Variants in UBAP2 observed in about 807,000 individuals in gnomAD.
UBAP2 encodes the protein ubiquitin-associated protein 2.
A neutral mutation model predicts 139.6 loss-of-function variants in UBAP2; 75 were observed. The observed-to-expected ratio is 0.54, with a 90% CI of 0.45 to 0.65. The LOEUF (loss-of-function observed/expected upper bound fraction) is 0.65, where lower values mean the gene tolerates loss of function less well. Ranked by LOEUF, UBAP2 falls within the 30% of genes least tolerant of loss-of-function variation. The probability of loss-of-function intolerance (pLI) is 0.00; values close to 1 mark genes in which losing one functional copy is unlikely to be tolerated. For synonymous variants in UBAP2, 526 were observed against 526.2 expected (o/e 1.00, Z 0.01); for missense variants, 1,368 against 1,369.6 (o/e 1.00, Z 0.02).
At chr9:33,935,227 AAC>A (rs1396242210) in intron 17 of UBAP2, 1 of 149,500 alleles carries the variant, frequency 6.7e-6, no homozygotes, top group Non-Finnish European at 1.5e-5. Context: ...CTTTCTAAGC[AAC>A]AGTCCTTCAG....
In UBAP2 at chr9:33,935,860, G is replaced by T; in HGVS notation, c.1948C>A (p.Arg650=). The change falls in exon 17 of 29, where the codon CGA becomes AGA. Residue 650 remains arginine (R), a synonymous_variant. Coordinates refer to ENST00000379238, the MANE Select transcript of UBAP2 (RefSeq NM_001370062.2). The part of the protein sequence containing the change: ...GTIMNGHGGG[R]SQQTLDTPKT... ...TTACTGTCTAGTGTCTGCTGACTTC[G>T]ACCACCACCATGTCCATTCTATAAG... The T allele has an allele frequency of 6.2e-7, 1 of 1,613,464 alleles. No individual in the cohort carries two copies. Among genetic ancestry groups the T allele is most frequent in the South Asian group, 1.1e-5 (1 of 90,854 alleles).
In UBAP2 at chr9:33,954,264, GTATA is replaced by G. The variant is rs78226943; in HGVS notation, c.867-794_867-791del. On this transcript the variant is annotated intron_variant, in intron 11 of 28. Coordinates refer to ENST00000379238, the MANE Select transcript of UBAP2 (RefSeq NM_001370062.2). ...TATCCCATAATACATTTAAGTGTGT[GTATA>G]TACACACACACACACACACACACAC... Among the ~76,000 whole-genome samples the G allele has an allele frequency of 2.5e-5, 3 of 122,316 alleles. No homozygotes were observed. In the East Asian group the frequency reaches 6.5e-4, roughly 27 times the overall value. 80.2% of individuals were successfully genotyped at this position (122,316 alleles called of 152,430 possible).
At chr9:33,951,307 C>G (rs764792845) in intron 12 of UBAP2, among the ~76,000 whole-genome samples, 28 of 149,662 alleles carry the variant, frequency 1.9e-4, no homozygotes, top group Admixed American at 7.3e-4. Flanking sequence ...GATGAGCCAC[C>G]ATGCCATGCC....
At chr9:33,976,410 T>C (rs776160870) in intron 6 of UBAP2, among the ~76,000 whole-genome samples, 2 of 152,194 alleles carry the variant, frequency 1.3e-5, no homozygotes, top group Non-Finnish European at 1.5e-5. Flanking sequence ...CAAAACATTA[T>C]CTAAGAGAAA....
At chr9:34,041,019 GT>G (rs1274752834) in intron 1 of UBAP2, among the ~76,000 whole-genome samples, 1 of 152,124 alleles carries the variant, frequency 6.6e-6, no homozygotes, top group African/African-American at 2.4e-5. Context: ...GACTTTGTTT[GT>G]TGTGGGCAGG....
intron 2 of UBAP2, among the ~76,000 whole-genome samples, chr9:34,005,723 A>C (rs1351771772): frequency 6.6e-6 from 1 of 152,182 alleles, no homozygotes; most frequent in Non-Finnish European, 1.5e-5. Context: ...TCAAACACTG[A>C]AGATAGGCAA....
At chr9:33,948,878 G>A (rs563983796) in intron 12 of UBAP2, 36 of 304,980 alleles carry the variant, frequency 1.2e-4, no homozygotes, top group Middle Eastern at 1.1e-3. Flanking sequence ...GGCCGGGCGC[G>A]GTGGCTCACG....
intron 12 of UBAP2, among the ~76,000 whole-genome samples, chr9:33,950,166 C>T (rs1003224240): frequency 6.6e-6 from 1 of 152,120 alleles, no homozygotes; most frequent in South Asian, 2.1e-4. Context: ...CCCAGGTTCA[C>T]TCCATTCTCC....
intron 1 of UBAP2, among the ~76,000 whole-genome samples, chr9:34,035,514 A>AAAAATATATATATATAT: frequency 6.2e-4 from 14 of 22,490 alleles, no homozygotes; most frequent in African/African-American, 1.5e-3. Flanking sequence ...AAAAAAAAAA[A>AAAAATATATATATATAT]ATATATATAT....
intron 26 of UBAP2, 36 bp downstream of exon 26, chr9:33,923,150 C>G: frequency 6.2e-7 from 1 of 1,613,186 alleles, no homozygotes; most frequent in Non-Finnish European, 8.5e-7. Context: ...GCCCACCACT[C>G]CAGGCCTTAT....
chr9:33,985,888 G>A (rs1276123836), intron 6 of UBAP2, among the ~76,000 whole-genome samples: 2 of 151,978 alleles, frequency 1.3e-5, no homozygotes, highest in East Asian at 1.9e-4. Context: ...TGGGCATGGT[G>A]GCGTGCACCT....
rs11432780 is a variant in UBAP2, at chr9:34,017,017, GAAA to G, written c.99+30_99+32del. 229 of 1,255,498 alleles carry G rather than the reference GAAA, an allele frequency of 1.8e-4. 3 individuals are homozygous for G. In the Admixed American group the frequency reaches 5.1e-3, roughly 28 times the overall value. The allele number at this position is 1,255,498 out of a possible 1,614,324, so 77.8% of individuals were successfully genotyped here. A position where few individuals can be genotyped will look rare whatever the true frequency, so the allele number is the denominator to read the frequency against. ...AGTATAATAATAAAAGAAAAAAAAG[GAAA>G]AAAAAAAAAAGAGTTCCACAAAAAC... On this transcript the variant is annotated intron_variant, in intron 2 of 28. Transcript: ENST00000379238.
At chr9:33,955,181 CAAA>C (rs57984537) in intron 11 of UBAP2, among the ~76,000 whole-genome samples, 2 of 122,080 alleles carry the variant, frequency 1.6e-5, no homozygotes, top group Non-Finnish European at 1.8e-5. Context: ...TTCATTCTGT[CAAA>C]AAAAAAAAAA....
intron 1 of UBAP2, among the ~76,000 whole-genome samples, chr9:34,025,192 G>A (rs978138434): frequency 1.3e-5 from 2 of 152,122 alleles, no homozygotes; most frequent in Admixed American, 6.6e-5. Context: ...TCTGGGAAAT[G>A]GAGCTGTGTG....
intron 10 of UBAP2, among the ~76,000 whole-genome samples, chr9:33,956,954 G>A (rs935189953): frequency 3.3e-5 from 5 of 151,666 alleles, no homozygotes; most frequent in South Asian, 2.1e-4. Context: ...TTGGCTGGTC[G>A]TGGTGGTGTG....
intron 10 of UBAP2, 31 bp downstream of exon 10, chr9:33,960,795 A>AG: frequency 6.3e-7 from 1 of 1,574,882 alleles, no homozygotes. Context: ...AAAAAAAAAA[A>AG]GAAAGGTCTC....
chr9:33,985,586 G>A (rs1436720276), intron 6 of UBAP2, among the ~76,000 whole-genome samples: 1 of 152,166 alleles, frequency 6.6e-6, no homozygotes, highest in African/African-American at 2.4e-5. Context: ...AATATCACAC[G>A]TACTCACTCA....
chr9:33,962,366 G>T (rs1237019881), intron 9 of UBAP2, among the ~76,000 whole-genome samples: 1 of 152,148 alleles, frequency 6.6e-6, no homozygotes, highest in Non-Finnish European at 1.5e-5. Flanking sequence ...GTTTAAAAAA[G>T]GCTGGGCATG....
At chr9:33,992,660 G>T (rs544682197) in intron 4 of UBAP2, among the ~76,000 whole-genome samples, 4 of 115,868 alleles carry the variant, frequency 3.5e-5, no homozygotes, top group South Asian at 2.5e-4. Context: ...TCGGGCGGAG[G>T]GGGGGGGGCA....
Sources: allele counts gnomAD v4.1 joint callset (sites outside exome capture counted in the v4.1 genomes callset), GRCh38; gene constraint gnomAD v4.1.1; transcripts MANE v1.5; gene names NCBI Gene and HGNC (gene_info 2026-07-23, HGNC 2026-07-21).